C16orf96: variants seen among roughly 807,000 people sequenced by gnomAD.
The protein encoded by C16orf96 is uncharacterized protein C16orf96.
A neutral mutation model predicts 103.6 loss-of-function variants in C16orf96; 108 were observed. That is an observed-to-expected ratio of 1.04 (90% CI 0.89 to 1.22). The LOEUF is 1.22. Ranked by LOEUF, C16orf96 falls within the 50% of genes most tolerant of loss-of-function variation. The pLI, the probability that C16orf96 is intolerant of heterozygous loss-of-function variation, is 0.00. For synonymous variants in C16orf96, 566 were observed against 593.5 expected, an observed-to-expected ratio of 0.95 and a Z score of 0.67; for missense variants, 1,586 against 1,464.2, an observed-to-expected ratio of 1.08 and a Z score of -1.36.
chr16:4,576,184 TGCCATCGCC>T lies in C16orf96; in HGVS notation c.1708_1716del (p.Ile570_Ala572del). The T allele has an allele frequency of 6.4e-7, 1 of 1,550,468 alleles. No homozygotes were observed. Among genetic ancestry groups the T allele is most frequent in the Admixed American group, 2.0e-5 (1 of 51,002 alleles). On this transcript the variant is annotated inframe_deletion, in exon 5 of 16. Transcript: ENST00000444310. The stretch of plus-strand genomic sequence containing the variant: ...CCCTTCACCGGCTGAAAACCACCGC[TGCCATCGCC>T]GCCGCTGCCGCCGCAGCCTACGCCG...
Position 4,556,876 on chromosome 16 carries a change from G to C in C16orf96, c.387G>C (p.Lys129Asn), listed in dbSNP as rs909634176. Residue 129 changes from lysine to asparagine, a missense_variant, in exon 1 of 16, where the codon AAG (lysine) becomes AAC (asparagine). Lys to Asn is a moderately conservative substitution (Grantham distance 94). Coordinates refer to ENST00000444310, the MANE Select transcript of C16orf96 (RefSeq NM_001145011.2). ...QDLWHLIKLR[K>N]MVEGHDEVMA... is the part of the protein sequence containing the mutation. ...TGTGGCATCTGATCAAGCTCCGGAA[G>C]ATGGTGGAGGGTCATGATGAAGTCA... 7 of 1,549,850 alleles carry C rather than the reference G, an allele frequency of 4.5e-6. No homozygotes were observed. In the African/African-American group the frequency reaches 8.2e-5, roughly 18 times the overall value.
chr16:4,580,152 A>G (rs769978396), intron 7 of C16orf96, 27 bp downstream of exon 7: 1 of 1,455,544 alleles, frequency 6.9e-7, no homozygotes, highest in Non-Finnish European at 9.1e-7. Flanking sequence ...AGGCTGGAGA[A>G]GGGCTGGCAA....
the C16orf96 span, among the ~76,000 whole-genome samples, chr16:4,543,486 A>T: frequency 6.6e-6 from 1 of 151,936 alleles, no homozygotes; most frequent in South Asian, 2.1e-4. Flanking sequence ...TATTTTAATT[A>T]ATTAATTAAT....
At chr16:4,586,120 C>T (rs1294095222) in intron 7 of C16orf96, among the ~76,000 whole-genome samples, 12 of 152,064 alleles carry the variant, frequency 7.9e-5, no homozygotes, top group Non-Finnish European at 1.5e-5. Context: ...CTTAGCCAGG[C>T]GTGGTGTTGG....
At chr16:4,599,176 G>T (rs191900490) in intron 14 of C16orf96, 108 bp from the exon 15 acceptor site, 2 of 876,576 alleles carry the variant, frequency 2.3e-6, no homozygotes, top group African/African-American at 3.4e-5. Context: ...GGGAGCCTGG[G>T]AAATGGGGTT....
chr16:4,593,355 A>G lies in C16orf96; in HGVS notation c.2867+39A>G, dbSNP rs778440786. 4.6e-6 allele frequency: 7 copies of G among 1,518,492 alleles called. No homozygotes were observed. In the South Asian group the frequency reaches 4.8e-5, roughly 10 times the overall value. The allele number at this position is 1,518,492 out of a possible 1,614,324, so 94.1% of individuals were successfully genotyped here. On this transcript the variant is annotated intron_variant, in intron 12 of 15. Transcript: ENST00000444310. The surrounding 1 kb of genome is among the most constrained non-coding windows in gnomAD (Gnocchi z 4.2). ...GCGCCCCGCAGGGAGGCCGCCCCGC[A>G]TGGAGGCCACTCTGGAGCCTGGGAA... is the stretch of plus-strand genomic sequence containing the variant.
At chr16:4,588,066 G>A in intron 8 of C16orf96, 101 bp from the exon 9 acceptor site, 3 of 1,246,258 alleles carry the variant, frequency 2.4e-6, no homozygotes, top group Non-Finnish European at 3.3e-6. Flanking sequence ...AAAGTCCAGA[G>A]TCCCAAACTA....
intron 1 of C16orf96, among the ~76,000 whole-genome samples, chr16:4,559,039 C>T (rs948870406): frequency 2.0e-5 from 3 of 151,256 alleles, no homozygotes; most frequent in Non-Finnish European, 4.4e-5. Flanking sequence ...GAGTTGAGAT[C>T]GCACCACTGC....
the C16orf96 span, among the ~76,000 whole-genome samples, chr16:4,542,091 G>A: frequency 2.6e-5 from 4 of 152,194 alleles, no homozygotes; most frequent in South Asian, 2.1e-4. Context: ...AAATTTCCAG[G>A]CTGGTCCCTG....
intron 8 of C16orf96, 83 bp from the exon 9 acceptor site, chr16:4,588,084 C>G (rs1896970539): frequency 7.2e-7 from 1 of 1,393,798 alleles, no homozygotes; most frequent in Admixed American, 2.4e-5. Flanking sequence ...CTAGAAGCAT[C>G]AGACCCAAGG....
At chr16:4,539,921 C>G in the C16orf96 span, among the ~76,000 whole-genome samples, 1 of 152,234 alleles carries the variant, frequency 6.6e-6, no homozygotes, top group African/African-American at 2.4e-5. Context: ...CATCTCCCAC[C>G]CCACCAATCA....
intron 6 of C16orf96, among the ~76,000 whole-genome samples, 181 bp downstream of exon 6, chr16:4,579,206 G>C (rs919705426): frequency 7.8e-6 from 1 of 128,382 alleles, no homozygotes; most frequent in African/African-American, 3.6e-5. Flanking sequence ...TGGTGCGGTG[G>C]GGGGGCCCAG....
intron 1 of C16orf96, chr16:4,563,033 C>G (rs924073559): frequency 1.1e-6 from 1 of 948,336 alleles, no homozygotes; most frequent in Non-Finnish European, 1.7e-6. Flanking sequence ...TGCTGCTCCT[C>G]TGTCAGAAGA....
the C16orf96 span, among the ~76,000 whole-genome samples, chr16:4,539,038 G>T: frequency 6.6e-6 from 1 of 152,222 alleles, no homozygotes; most frequent in South Asian, 2.1e-4. Context: ...TTCCTCCAGG[G>T]CTGCATTTTT....
intron 15 of C16orf96, among the ~76,000 whole-genome samples, chr16:4,599,657 C>A (rs772657056): frequency 6.6e-6 from 1 of 152,244 alleles, no homozygotes; most frequent in Non-Finnish European, 1.5e-5. Flanking sequence ...ACGTAGCAGG[C>A]ACCTGAGGGT....
At position 4,594,498 on chromosome 16, in the gene C16orf96, C is replaced by T. The variant is rs1308236578; in HGVS notation, c.3015C>T (p.Ile1005=). 7.7e-6 allele frequency: 12 copies of T among 1,551,034 alleles called. No homozygotes were observed. Among genetic ancestry groups the T allele is most frequent in the African/African-American group, 5.5e-5 (4 of 73,050 alleles). The part of the protein sequence containing the change: ...TLYPYGDPHV[I]DYDSAEVDIL... ...ATCCCTACGGGGATCCCCACGTGAT[C>T]GACTATGACAGCGTGAGTCTGGCCG... The change falls in exon 13 of 16, where the codon ATC becomes ATT. Residue 1005 remains isoleucine, a synonymous_variant. Coordinates refer to ENST00000444310, the MANE Select transcript of C16orf96 (RefSeq NM_001145011.2).
At chr16:4,585,810 C>T (rs187728461) in intron 7 of C16orf96, among the ~76,000 whole-genome samples, 2 of 152,188 alleles carry the variant, frequency 1.3e-5, no homozygotes, top group Non-Finnish European at 2.9e-5. Flanking sequence ...GGATGGAGGC[C>T]GGGGTCATTA....
chr16:4,596,798 A>G (rs1395592048), intron 14 of C16orf96, among the ~76,000 whole-genome samples: 5 of 152,196 alleles, frequency 3.3e-5, no homozygotes, highest in Non-Finnish European at 5.9e-5. Flanking sequence ...TGGAAATCCT[A>G]AATCAAGGAG....
chr16:4,570,926 T>G (rs2059431274), intron 1 of C16orf96, among the ~76,000 whole-genome samples: 1 of 152,128 alleles, frequency 6.6e-6, no homozygotes, highest in Admixed American at 6.6e-5. Flanking sequence ...TGTGGCACTT[T>G]GGGAGGATGA....
Sources: gnomAD v4.1 joint callset for allele counts (sites outside exome capture counted in the v4.1 genomes callset) on GRCh38, gnomAD v4.1.1 for gene constraint, Gnocchi (gnomAD v3.1) non-coding constraint, MANE v1.5 for transcripts, NCBI Gene and HGNC (gene_info 2026-07-23, HGNC 2026-07-21) for gene names.